Variants in RAB11FIP3 observed in about 807,000 individuals in gnomAD.
RAB11FIP3 encodes RAB11 family interacting protein 3, also known as rab11 family-interacting protein 3.
In RAB11FIP3, 17 loss-of-function variants were observed where a neutral mutation model predicts 77.8. That is an observed-to-expected ratio of 0.22 (90% CI 0.15 to 0.33). RAB11FIP3 has a LOEUF of 0.33. Among genes scored for constraint, RAB11FIP3 ranks in the 10% least tolerant of loss-of-function variants. The pLI is 1.00. For synonymous variants in RAB11FIP3, 437 were observed against 448.2 expected (o/e 0.98, Z 0.31); for missense variants, 1,005 against 1,011.2 (o/e 0.99, Z 0.08).
chr16:467,407 T>TGCA (rs745320807), intron 2 of RAB11FIP3, among the ~76,000 whole-genome samples: 4 of 146,536 alleles, frequency 2.7e-5, no homozygotes, highest in Admixed American at 1.3e-4. Context: ...AGGGAGGAGG[T>TGCA]GCAGTAGCCT....
chr16:494,971 GTGGGAGGA>G lies in RAB11FIP3; in HGVS notation c.1266-1851_1266-1844del, dbSNP rs1436928445. Among the ~76,000 whole-genome samples the G allele has an allele frequency of 1.3e-3, 203 of 151,288 alleles. 2 individuals are homozygous for G. The highest frequency in any genetic ancestry group is 2.7e-3 in the South Asian group (13 of 4,790). On this transcript the variant is annotated intron_variant, in intron 5 of 13. Coordinates refer to ENST00000262305, the MANE Select transcript of RAB11FIP3 (RefSeq NM_014700.4). ...AGCCGGGGAGGTCGAGGCTGCTGAG[GTGGGAGGA>G]TCACATGAGCCGGGGAGGTCGAGGC...
rs568180945 is a variant in RAB11FIP3 at position 495,260 on chromosome 16, C to T, written c.1266-1564C>T. Among the ~76,000 whole-genome samples, 4 of 151,818 alleles carry T rather than the reference C, an allele frequency of 2.6e-5. No homozygotes were observed. In the East Asian group the frequency reaches 7.8e-4, roughly 30 times the overall value. On this transcript the variant is annotated intron_variant, in intron 5 of 13. Coordinates refer to ENST00000262305, the MANE Select transcript of RAB11FIP3 (RefSeq NM_014700.4). ...TAGGGACAGCAGGCACAGGAGCAGCCGCCACCCAGGGCCGGGGCAGAGCCC... is the reference window on the plus strand; with the variant it reads ...TAGGGACAGCAGGCACAGGAGCAGCTGCCACCCAGGGCCGGGGCAGAGCCC...
chr16:499,868 C>T (rs1175976902), intron 6 of RAB11FIP3, among the ~76,000 whole-genome samples: 1 of 150,822 alleles, frequency 6.6e-6, no homozygotes, highest in African/African-American at 2.4e-5. Flanking sequence ...GAGACCTCTT[C>T]TGCAGTGTGT....
intron 1 of RAB11FIP3, among the ~76,000 whole-genome samples, chr16:429,791 C>T (rs1426031665): frequency 6.6e-6 from 1 of 152,156 alleles, no homozygotes; most frequent in Non-Finnish European, 1.5e-5. Context: ...AGCCACTGTG[C>T]CCGGCCAAGT....
At chr16:437,034 G>A (rs1330309164) in intron 1 of RAB11FIP3, among the ~76,000 whole-genome samples, 2 of 152,078 alleles carry the variant, frequency 1.3e-5, no homozygotes, top group East Asian at 3.9e-4. Context: ...CCAGCACTTT[G>A]AGAGGCTGGG....
intron 3 of RAB11FIP3, chr16:475,026 A>G (rs2055875483): frequency 6.4e-7 from 1 of 1,551,738 alleles, no homozygotes; most frequent in African/African-American, 1.4e-5. Flanking sequence ...CCGGTCTCCA[A>G]CAGCATGCCC....
chr16:520,447 C>A lies in RAB11FIP3; in HGVS notation c.2017-12C>A, dbSNP rs1262524798. Reference sequence around the variant, plus strand: ...GGGCCACAGCCCAGTAGTGATGTTGCTGTGCCTTCAGGACAACCGCAACCT... The same window carrying A: ...GGGCCACAGCCCAGTAGTGATGTTGATGTGCCTTCAGGACAACCGCAACCT... On this transcript the variant is annotated splice_polypyrimidine_tract_variant and intron_variant, in intron 12 of 13. Transcript: ENST00000262305. The A allele has an allele frequency of 9.9e-6, 16 of 1,612,946 alleles. No individual in the cohort carries two copies. Among genetic ancestry groups the A allele is most frequent in the Non-Finnish European group, 1.3e-5 (15 of 1,179,846 alleles).
chr16:497,899 T>C (rs2031257645), intron 6 of RAB11FIP3, among the ~76,000 whole-genome samples: 1 of 149,598 alleles, frequency 6.7e-6, no homozygotes, highest in South Asian at 2.1e-4. Flanking sequence ...CTCGGTTTCT[T>C]TGGGACCAGC....
intron 8 of RAB11FIP3, among the ~76,000 whole-genome samples, chr16:509,332 G>A (rs1368995230): frequency 6.6e-6 from 1 of 152,258 alleles, no homozygotes; most frequent in Non-Finnish European, 1.5e-5. Flanking sequence ...CTGGCTCGGG[G>A]ACCTTTCCCT....
intron 5 of RAB11FIP3, among the ~76,000 whole-genome samples, chr16:494,141 G>A (rs1236397337): frequency 4.4e-5 from 6 of 136,222 alleles, no homozygotes; most frequent in Non-Finnish European, 6.3e-5. Context: ...CGCCCGCCTC[G>A]GCCTCCCAAA....
intron 5 of RAB11FIP3, 128 bp from the exon 6 acceptor site, chr16:496,696 G>T (rs911793926): frequency 9.3e-6 from 8 of 862,228 alleles, no homozygotes; most frequent in Admixed American, 4.2e-5. Context: ...TGCCTGGGGG[G>T]CCCTGCATGC....
chr16:519,470 G>A (rs546758006), intron 10 of RAB11FIP3, among the ~76,000 whole-genome samples: 1 of 152,234 alleles, frequency 6.6e-6, no homozygotes, highest in South Asian at 2.1e-4. Context: ...CCGGCTGGAG[G>A]TGCCCACAGC....
rs2031798431 is a variant in RAB11FIP3, at chr16:505,044, GTCC to G, written c.1396-474_1396-472del. 6.7e-6 allele frequency among the ~76,000 whole-genome samples: 1 copy of G among 148,976 alleles called. No individual in the cohort carries two copies. Among genetic ancestry groups the G allele is most frequent in the South Asian group, 2.2e-4 (1 of 4,580 alleles). On this transcript the variant is annotated intron_variant, in intron 7 of 13. Coordinates refer to ENST00000262305, the MANE Select transcript of RAB11FIP3 (RefSeq NM_014700.4). The surrounding 1 kb of genome is among the most constrained non-coding windows in gnomAD (Gnocchi z 4.0). ...TCTCAAGTCTGCTGACCCAGGCCAA[GTCC>G]TCCTCTGCTCCCTTCACTCCTTCTC...
chr16:446,901 A>G (rs984918161), intron 1 of RAB11FIP3, among the ~76,000 whole-genome samples: 4 of 151,816 alleles, frequency 2.6e-5, no homozygotes, highest in African/African-American at 4.8e-5. Flanking sequence ...GGGTTTCACC[A>G]TGTTGGCCAG....
At chr16:503,239 A>T (rs771013418) in intron 7 of RAB11FIP3, 142 bp downstream of exon 7, 9 of 628,212 alleles carry the variant, frequency 1.4e-5, no homozygotes, top group Non-Finnish European at 2.4e-5. Flanking sequence ...CAGACTGTCC[A>T]TCCAGCCCCG....
chr16:484,335 G>T (rs1207793888), intron 4 of RAB11FIP3, among the ~76,000 whole-genome samples: 1 of 151,596 alleles, frequency 6.6e-6, no homozygotes, highest in African/African-American at 2.4e-5. Flanking sequence ...TCCACTTGCT[G>T]TTGCGCTTGT....
intron 4 of RAB11FIP3, among the ~76,000 whole-genome samples, chr16:483,918 G>A (rs543174127): frequency 2.5e-4 from 38 of 152,080 alleles, no homozygotes; most frequent in African/African-American, 8.7e-4. Flanking sequence ...GCTTAGAGCC[G>A]TCCCATGTTT....
At position 505,615 on chromosome 16, in the gene RAB11FIP3, A is replaced by T; in HGVS notation, c.1487A>T (p.Gln496Leu). 1 of 1,598,732 alleles carries T rather than the reference A, an allele frequency of 6.3e-7. No homozygotes were observed. Among genetic ancestry groups the T allele is most frequent in the Non-Finnish European group, 8.5e-7 (1 of 1,178,402 alleles). Reference sequence around the variant, plus strand: ...AGCCGCCTGAGGCAGGAGAACCTGCAGCTGGTGCACAGGTGAGCCTGGGCC... The same window carrying T: ...AGCCGCCTGAGGCAGGAGAACCTGCTGCTGGTGCACAGGTGAGCCTGGGCC... ...QHSRLRQENLQLVHRANALEE... is the reference protein window; with the variant it reads ...QHSRLRQENLLLVHRANALEE... The change falls in exon 8 of 14, where the codon CAG (glutamine) becomes CTG (leucine). Residue 496 changes from glutamine (Q) to leucine (L), a missense_variant. Gln to Leu is a moderately radical substitution (Grantham distance 113). Around this residue, in one of 4 missense-constraint regions of RAB11FIP3, gnomAD observed 433 missense variants for 436.1 expected, o/e 0.99. Transcript: ENST00000262305. This position sits in a 1 kb window ranked among gnomAD's most constrained non-coding sequence, Gnocchi z 4.0.
At chr16:455,382 G>A (rs1328171055) in intron 1 of RAB11FIP3, among the ~76,000 whole-genome samples, 1 of 151,284 alleles carries the variant, frequency 6.6e-6, no homozygotes, top group Admixed American at 6.6e-5. Context: ...GCTGAGGCAG[G>A]AGAATTGCTT....
Sources: gnomAD v4.1 joint callset for allele counts (sites outside exome capture counted in the v4.1 genomes callset) on GRCh38, gnomAD v4.1.1 for gene constraint, gnomAD v4.1.1 regional missense constraint, Gnocchi (gnomAD v3.1) non-coding constraint, MANE v1.5 for transcripts, NCBI Gene and HGNC (gene_info 2026-07-23, HGNC 2026-07-21) for gene names.